ANO4: variants seen among roughly 807,000 people sequenced by gnomAD.
ANO4 encodes the protein anoctamin-4.
Under a neutral mutation model 141.9 loss-of-function variants are expected in ANO4, and 69 were observed. The ratio of observed to expected loss-of-function variants is 0.49; its 90% CI spans 0.40 to 0.59. The LOEUF (loss-of-function observed/expected upper bound fraction) is 0.59, where lower values mean the gene tolerates loss of function less well. Ranked by LOEUF, ANO4 falls within the 20% of genes least tolerant of loss-of-function variation. The pLI, the probability that ANO4 is intolerant of heterozygous loss-of-function variation, is 0.00. For missense variants in ANO4, 894 were observed against 1,162.2 expected, an observed-to-expected ratio of 0.77 and a Z score of 3.36; for synonymous variants, 350 against 394.3, an observed-to-expected ratio of 0.89 and a Z score of 1.33.
chr12:100,837,939 T>C (rs750022456), intron 1 of ANO4, among the ~76,000 whole-genome samples: 1 of 152,090 alleles, frequency 6.6e-6, no homozygotes, highest in Admixed American at 6.5e-5. Flanking sequence ...TTTCTTCTTA[T>C]AACTGCCCCT....
At chr12:100,819,029 A>G (rs1236588305) in intron 1 of ANO4, among the ~76,000 whole-genome samples, 1 of 118,612 alleles carries the variant, frequency 8.4e-6, no homozygotes, top group African/African-American at 3.4e-5. Flanking sequence ...ATATATATGT[A>G]TGTGTGTATA....
chr12:100,980,017 G>A (rs1242433750), intron 7 of ANO4, among the ~76,000 whole-genome samples: 1 of 151,646 alleles, frequency 6.6e-6, no homozygotes, highest in Non-Finnish European at 1.5e-5. Context: ...TGGGATTACA[G>A]GCGTGAGCCA....
At chr12:101,024,551 G>T (rs530491129) in intron 9 of ANO4, among the ~76,000 whole-genome samples, 1 of 151,626 alleles carries the variant, frequency 6.6e-6, no homozygotes, top group African/African-American at 2.4e-5. Context: ...AGCCGAGATC[G>T]CACCACTGCA....
intron 15 of ANO4, among the ~76,000 whole-genome samples, chr12:101,083,083 A>G (rs771884545): frequency 7.9e-5 from 12 of 152,178 alleles, no homozygotes; most frequent in Admixed American, 2.6e-4. Context: ...CTTGTTTTCA[A>G]TTAAGAATTA....
rs763949654 is a variant in ANO4 at position 100,806,524 on chromosome 12, G to GTTTTTTTTTTTTTTTTTTTTTTTTTT, written c.-141+11508_-141+11533dup. Among the ~76,000 whole-genome samples the GTTTTTTTTTTTTTTTTTTTTTTTTTT allele has an allele frequency of 7.8e-4, 47 of 59,882 alleles. 14 individuals carry two copies. The highest frequency in any genetic ancestry group is 1.4e-3 in the East Asian group (2 of 1,448). The allele number at this position is 59,882 out of a possible 152,430, so 39.3% of individuals were successfully genotyped here. A position where few individuals can be genotyped will look rare whatever the true frequency, so the allele number is the denominator to read the frequency against. On this transcript the variant is annotated intron_variant, in intron 1 of 27. Coordinates refer to ENST00000392977, the MANE Select transcript of ANO4 (RefSeq NM_001286615.2). ...TTTTAGGAGGTTTTTTTTTTGTTTC[G>GTTTTTTTTTTTTTTTTTTTTTTTTTT]TTTTTTTTTTTTTTTTTTTTTTTTT...
At chr12:100,739,289 C>G (rs1382100677) in intron 2 of ANO4, among the ~76,000 whole-genome samples, 1 of 151,930 alleles carries the variant, frequency 6.6e-6, no homozygotes, top group East Asian at 1.9e-4. Flanking sequence ...GACCCTATCC[C>G]TAGAAAGCCT....
chr12:100,738,048 A>G (rs762824424), intron 2 of ANO4, among the ~76,000 whole-genome samples: 9 of 152,304 alleles, frequency 5.9e-5, no homozygotes, highest in Middle Eastern at 3.4e-3. Flanking sequence ...TATTTTCTAG[A>G]TAAATTCCCA....
At chr12:100,723,938 A>T (rs545797889) in intron 1 of ANO4, among the ~76,000 whole-genome samples, 3 of 152,332 alleles carry the variant, frequency 2.0e-5, no homozygotes, top group African/African-American at 7.2e-5. Flanking sequence ...AAGTTTCTAG[A>T]ACAAACAATT....
chr12:100,919,484 T>C (rs2041506370), intron 2 of ANO4, among the ~76,000 whole-genome samples: 1 of 152,182 alleles, frequency 6.6e-6, no homozygotes, highest in Non-Finnish European at 1.5e-5. Context: ...TGCAGTAACA[T>C]GCTGTACAGG....
At chr12:100,991,513 TAAAAAAAAAAA>T (rs59975425) in intron 8 of ANO4, among the ~76,000 whole-genome samples, 1 of 111,174 alleles carries the variant, frequency 9.0e-6, no homozygotes, top group Non-Finnish European at 1.8e-5. Context: ...ATGAAAATAG[TAAAAAAAAAAA>T]AAAAAAAAAA....
intron 15 of ANO4, among the ~76,000 whole-genome samples, chr12:101,083,294 T>C (rs1288013203): frequency 6.6e-6 from 1 of 152,226 alleles, no homozygotes; most frequent in Non-Finnish European, 1.5e-5. Flanking sequence ...TTTGTCCTGG[T>C]GTTTCTTATC....
intron 2 of ANO4, among the ~76,000 whole-genome samples, chr12:100,915,085 C>T (rs927388696): frequency 2.0e-5 from 3 of 152,224 alleles, no homozygotes; most frequent in African/African-American, 7.2e-5. Flanking sequence ...CCTCCTGCAG[C>T]TCTGGGGTTA....
In ANO4 at chr12:100,825,400, G is replaced by C. The variant is rs117917273; in HGVS notation, c.-141+30373G>C. Among the ~76,000 whole-genome samples, 217 of 152,034 alleles carry C rather than the reference G, an allele frequency of 1.4e-3. 4 individuals carry two copies. In the East Asian group the frequency reaches 0.041, roughly 29 times the overall value. On this transcript the variant is annotated intron_variant, in intron 1 of 27. Coordinates refer to ENST00000392977, the MANE Select transcript of ANO4 (RefSeq NM_001286615.2). ...TGAAATATAAATTATTTCATTTCTT[G>C]ATATGTAAGGTGAGACTAAGAAACA...
At chr12:100,945,765 T>A (rs2042695278) in intron 5 of ANO4, among the ~76,000 whole-genome samples, 1 of 152,196 alleles carries the variant, frequency 6.6e-6, no homozygotes, top group South Asian at 2.1e-4. Context: ...GGGAAGACCT[T>A]TATCATTACA....
At chr12:100,806,809 T>G (rs2035083774) in intron 1 of ANO4, among the ~76,000 whole-genome samples, 1 of 152,030 alleles carries the variant, frequency 6.6e-6, no homozygotes, top group East Asian at 1.9e-4. Flanking sequence ...CCCAAAGTGC[T>G]GGGATTACAG....
At chr12:100,838,400 A>G (rs1294871769) in intron 1 of ANO4, among the ~76,000 whole-genome samples, 1 of 152,084 alleles carries the variant, frequency 6.6e-6, no homozygotes, top group African/African-American at 2.4e-5. Flanking sequence ...AATCATAGGG[A>G]AAAAGAATAA....
chr12:100,794,147 G>A (rs2034162142), upstream of ANO4, among the ~76,000 whole-genome samples: 1 of 152,146 alleles, frequency 6.6e-6, no homozygotes, highest in Non-Finnish European at 1.5e-5. Flanking sequence ...ACCCTTCTCT[G>A]TCTTAAATTT....
At chr12:101,111,756 T>C in intron 24 of ANO4, 46 bp downstream of exon 24, 1 of 1,503,306 alleles carries the variant, frequency 6.7e-7, no homozygotes, top group Non-Finnish European at 8.9e-7. Context: ...TTCCTAGCCA[T>C]TTTTTGAGGT....
At chr12:100,828,116 G>A (rs1315300227) in intron 1 of ANO4, among the ~76,000 whole-genome samples, 1 of 151,912 alleles carries the variant, frequency 6.6e-6, no homozygotes, top group East Asian at 1.9e-4. Flanking sequence ...TTCAGAGTAG[G>A]GTCCACTGTC....
Sources: gnomAD v4.1 joint callset for allele counts (sites outside exome capture counted in the v4.1 genomes callset) on GRCh38, gnomAD v4.1.1 for gene constraint, MANE v1.5 for transcripts, NCBI Gene and HGNC (gene_info 2026-07-23, HGNC 2026-07-21) for gene names.